CNTNAP5: variants seen among roughly 807,000 people sequenced by gnomAD.
CNTNAP5 encodes contactin associated protein family member 5, also known as contactin-associated protein-like 5.
A neutral mutation model predicts 150.2 loss-of-function variants in CNTNAP5; 72 were observed. The ratio of observed to expected loss-of-function variants is 0.48; its 90% CI spans 0.40 to 0.58. The LOEUF is 0.58. CNTNAP5 is among the 20% of genes least tolerant of loss of function. The pLI is 0.00. For missense variants in CNTNAP5, 1,636 were observed against 1,626.2 expected (o/e 1.01, Z -0.10); for synonymous variants, 672 against 619.8 (o/e 1.08, Z -1.25).
intron 21 of CNTNAP5, among the ~76,000 whole-genome samples, chr2:124,897,255 C>A (rs1212485912): frequency 6.6e-6 from 1 of 151,438 alleles, no homozygotes; most frequent in African/African-American, 2.4e-5. Context: ...CACTGTTACC[C>A]TAGATTTGTC....
At chr2:124,644,662 A>T (rs2105024207) in intron 12 of CNTNAP5, among the ~76,000 whole-genome samples, 1 of 152,306 alleles carries the variant, frequency 6.6e-6, no homozygotes, top group East Asian at 1.9e-4. Context: ...GAGACTGGGG[A>T]CAAGTCTAAG....
intron 6 of CNTNAP5, among the ~76,000 whole-genome samples, chr2:124,466,422 C>G (rs1336829403): frequency 6.6e-6 from 1 of 152,044 alleles, no homozygotes; most frequent in African/African-American, 2.4e-5. Flanking sequence ...TTCCATCAGT[C>G]TGTTGGAGCA....
chr2:124,388,296 G>A (rs1348469443), intron 3 of CNTNAP5, among the ~76,000 whole-genome samples: 1 of 152,128 alleles, frequency 6.6e-6, no homozygotes, highest in Non-Finnish European at 1.5e-5. Flanking sequence ...GGCTTCAGAG[G>A]GACTCCTGGT....
At chr2:124,332,360 TATTA>T (rs748456075) in intron 3 of CNTNAP5, among the ~76,000 whole-genome samples, 6 of 151,304 alleles carry the variant, frequency 4.0e-5, no homozygotes, top group Non-Finnish European at 5.9e-5. Flanking sequence ...TAATTACATA[TATTA>T]ATTAAAATTT....
At chr2:124,169,813 C>A (rs911482709) in intron 1 of CNTNAP5, among the ~76,000 whole-genome samples, 1 of 152,172 alleles carries the variant, frequency 6.6e-6, no homozygotes, top group Non-Finnish European at 1.5e-5. Flanking sequence ...AGGCAGTAGC[C>A]CCTGGTTCTA....
rs150340085 is a variant in CNTNAP5, at chr2:124,137,334, C to T, written c.83-84371C>T. 3.3e-4 allele frequency among the ~76,000 whole-genome samples: 50 copies of T among 150,444 alleles called. No homozygotes were observed. The East Asian group carries it at 7.6e-3, about 23-fold the overall frequency. ...TTTCAAATTTGTTCTCCATGTTAAT[C>T]CAAACTTTATTTGCATATAAATGAA... On this transcript the variant is annotated intron_variant, in intron 1 of 23. Coordinates refer to ENST00000682447, the MANE Select transcript of CNTNAP5 (RefSeq NM_001367498.1).
intron 21 of CNTNAP5, among the ~76,000 whole-genome samples, chr2:124,878,064 C>A (rs1233440912): frequency 6.6e-6 from 1 of 151,972 alleles, no homozygotes; most frequent in Non-Finnish European, 1.5e-5. Context: ...ATAAATCCTG[C>A]CACAGTTTGG....
intron 9 of CNTNAP5, among the ~76,000 whole-genome samples, chr2:124,526,524 G>A (rs1030255711): frequency 4.6e-5 from 7 of 152,260 alleles, no homozygotes; most frequent in Middle Eastern, 3.4e-3. Flanking sequence ...GATGGAGTTC[G>A]TATGGAGCAC....
chr2:124,279,695 C>T (rs570456129), intron 3 of CNTNAP5, among the ~76,000 whole-genome samples: 1 of 152,052 alleles, frequency 6.6e-6, no homozygotes, highest in East Asian at 1.9e-4. Flanking sequence ...AAAGTGCTAC[C>T]AATTACACAG....
At chr2:124,180,693 C>T (rs1573816047) in intron 1 of CNTNAP5, among the ~76,000 whole-genome samples, 1 of 151,990 alleles carries the variant, frequency 6.6e-6, no homozygotes, top group Non-Finnish European at 1.5e-5. Flanking sequence ...AATTGTAATA[C>T]TGTTTGGTAA....
At chr2:124,231,747 T>G (rs1010351963) in intron 2 of CNTNAP5, among the ~76,000 whole-genome samples, 4 of 152,140 alleles carry the variant, frequency 2.6e-5, no homozygotes, top group South Asian at 2.1e-4. Flanking sequence ...CAGCTATAGA[T>G]CATTGAAAGA....
intron 17 of CNTNAP5, among the ~76,000 whole-genome samples, chr2:124,787,211 C>A (rs1164032791): frequency 1.3e-5 from 2 of 152,182 alleles, no homozygotes; most frequent in Non-Finnish European, 2.9e-5. Flanking sequence ...TTATTCAAAT[C>A]CACCATGGGG....
intron 12 of CNTNAP5, among the ~76,000 whole-genome samples, chr2:124,621,267 A>C (rs1026452728): frequency 6.6e-6 from 1 of 152,228 alleles, no homozygotes; most frequent in Non-Finnish European, 1.5e-5. Flanking sequence ...AAACACATTT[A>C]TTTCTTATCT....
intron 7 of CNTNAP5, among the ~76,000 whole-genome samples, chr2:124,491,528 T>C (rs1356594786): frequency 6.6e-6 from 1 of 152,174 alleles, no homozygotes; most frequent in Non-Finnish European, 1.5e-5. Flanking sequence ...ATGTTTTGGC[T>C]ATTGTAGATA....
At chr2:124,263,644 T>A (rs1334912038) in intron 3 of CNTNAP5, among the ~76,000 whole-genome samples, 1 of 152,180 alleles carries the variant, frequency 6.6e-6, no homozygotes, top group East Asian at 1.9e-4. Context: ...CAGAAGCTCT[T>A]TAGTTTAATT....
At chr2:124,183,455 A>T (rs1024782855) in intron 1 of CNTNAP5, among the ~76,000 whole-genome samples, 4 of 152,190 alleles carry the variant, frequency 2.6e-5, no homozygotes, top group African/African-American at 9.6e-5. Context: ...TGAGAATGAG[A>T]TGTATATTCA....
At position 124,176,085 on chromosome 2, in the gene CNTNAP5, C is replaced by A. The variant is rs1270819205; in HGVS notation, c.83-45620C>A. ...GTCCACAGGAGAGCTCCAAAGTTTG[C>A]TATGTTCTTTGCTTCCCCATTTCCA... On this transcript the variant is annotated intron_variant, in intron 1 of 23. Transcript: ENST00000682447. 4.6e-5 allele frequency among the ~76,000 whole-genome samples: 7 copies of A among 152,162 alleles called. No individual in the cohort carries two copies. The East Asian group carries it at 1.4e-3, about 29-fold the overall frequency.
intron 13 of CNTNAP5, among the ~76,000 whole-genome samples, chr2:124,658,418 T>G (rs10202736): frequency 0.56 from 84,244 of 151,678 alleles, 23,966 homozygotes; most frequent in Non-Finnish European, 0.62. Context: ...CACACAAAGT[T>G]AGTTAAAACA....
At chr2:124,431,508 G>GGTATATAT (rs1553467712) in intron 4 of CNTNAP5, among the ~76,000 whole-genome samples, 16 of 114,256 alleles carry the variant, frequency 1.4e-4, no homozygotes, top group African/African-American at 4.5e-4. Context: ...AAGTGTCAAA[G>GGTATATAT]ATATATATAT....
Sources: gnomAD v4.1 joint callset for allele counts (sites outside exome capture counted in the v4.1 genomes callset) on GRCh38, gnomAD v4.1.1 for gene constraint, MANE v1.5 for transcripts, NCBI Gene and HGNC (gene_info 2026-07-23, HGNC 2026-07-21) for gene names.